TRPC7: variants seen among roughly 807,000 people sequenced by gnomAD.
The protein encoded by TRPC7 is transient receptor potential cation channel subfamily C member 7.
Under a neutral mutation model 90.1 loss-of-function variants are expected in TRPC7, and 42 were observed. The observed-to-expected ratio is 0.47, with a 90% CI of 0.36 to 0.60. The LOEUF is 0.60. TRPC7 is among the 20% of genes least tolerant of loss of function. The probability of loss-of-function intolerance (pLI) is 0.00; values close to 1 mark genes in which losing one functional copy is unlikely to be tolerated. For synonymous variants in TRPC7, 451 were observed against 436.3 expected (o/e 1.03, Z -0.42); for missense variants, 955 against 1,112.3 (o/e 0.86, Z 2.01).
intron 5 of TRPC7, among the ~76,000 whole-genome samples, chr5:136,264,232 A>C (rs1756953127): frequency 6.6e-6 from 1 of 152,158 alleles, no homozygotes; most frequent in African/African-American, 2.4e-5. Context: ...ACTCAGGAGG[A>C]AGTCCTCATT....
chr5:136,215,979 G>C (rs1490713213), intron 11 of TRPC7, among the ~76,000 whole-genome samples: 1 of 152,182 alleles, frequency 6.6e-6, no homozygotes, highest in Non-Finnish European at 1.5e-5. Flanking sequence ...AAGTGCTGGA[G>C]CTCAGGGCAG....
At chr5:136,299,206 C>G (rs956095631) in intron 3 of TRPC7, among the ~76,000 whole-genome samples, 3 of 151,336 alleles carry the variant, frequency 2.0e-5, no homozygotes, top group African/African-American at 7.3e-5. Flanking sequence ...GAGGCTGAGG[C>G]AGGAGAATAA....
At chr5:136,326,351 G>A (rs916272459) in intron 2 of TRPC7, among the ~76,000 whole-genome samples, 1 of 152,172 alleles carries the variant, frequency 6.6e-6, no homozygotes, top group Non-Finnish European at 1.5e-5. Flanking sequence ...ATCACATATG[G>A]TTTAGCTACA....
intron 2 of TRPC7, among the ~76,000 whole-genome samples, chr5:136,335,419 A>G (rs1221074511): frequency 6.6e-6 from 1 of 152,000 alleles, no homozygotes; most frequent in Non-Finnish European, 1.5e-5. Flanking sequence ...GTCTCTGCCA[A>G]TTAGTTACCA....
At chr5:136,231,278 T>C (rs1433226284) in intron 8 of TRPC7, 76 bp downstream of exon 8, 1 of 1,296,072 alleles carries the variant, frequency 7.7e-7, no homozygotes, top group Non-Finnish European at 1.1e-6. Context: ...GCTTCTAACA[T>C]CATTCCCCTC....
chr5:136,241,253 G>T (rs965528119), intron 7 of TRPC7, among the ~76,000 whole-genome samples: 5 of 152,212 alleles, frequency 3.3e-5, no homozygotes, highest in Non-Finnish European at 5.9e-5. Context: ...CTTAATAGAG[G>T]TATTATTTTG....
intron 3 of TRPC7, among the ~76,000 whole-genome samples, chr5:136,306,140 A>G (rs897857062): frequency 2.6e-5 from 4 of 152,186 alleles, no homozygotes; most frequent in Non-Finnish European, 4.4e-5. Context: ...AAGCCATCAC[A>G]GCTGATATCT....
intron 4 of TRPC7, among the ~76,000 whole-genome samples, chr5:136,267,320 C>T (rs897798763): frequency 6.6e-6 from 1 of 152,176 alleles, no homozygotes; most frequent in African/African-American, 2.4e-5. Flanking sequence ...TCAGTTGGGA[C>T]TCTTCCAGCT....
At chr5:136,328,133 T>C (rs925535845) in intron 2 of TRPC7, among the ~76,000 whole-genome samples, 1 of 152,216 alleles carries the variant, frequency 6.6e-6, no homozygotes, top group African/African-American at 2.4e-5. Context: ...CATTTAGGAA[T>C]GCAGATCCAA....
At chr5:136,306,101 T>C (rs1050996178) in intron 3 of TRPC7, among the ~76,000 whole-genome samples, 3 of 152,168 alleles carry the variant, frequency 2.0e-5, no homozygotes, top group African/African-American at 7.2e-5. Flanking sequence ...CCTGCTCTTG[T>C]TTACACTGCC....
At chr5:136,287,093 C>A (rs369757729) in intron 3 of TRPC7, among the ~76,000 whole-genome samples, 1 of 152,170 alleles carries the variant, frequency 6.6e-6, no homozygotes, top group African/African-American at 2.4e-5. Context: ...AAGCCATGAA[C>A]GCTCGCCTCG....
intron 2 of TRPC7, among the ~76,000 whole-genome samples, chr5:136,346,115 G>A (rs1426126751): frequency 6.6e-6 from 1 of 152,072 alleles, no homozygotes; most frequent in Admixed American, 6.6e-5. Flanking sequence ...AGCATTAGGA[G>A]ATATACCTAA....
At chr5:136,256,634 A>G (rs981167447) in intron 5 of TRPC7, among the ~76,000 whole-genome samples, 49 of 152,048 alleles carry the variant, frequency 3.2e-4, no homozygotes, top group Non-Finnish European at 5.7e-4. Context: ...TGTCAGATCC[A>G]TCTTGCTCTT....
chr5:136,325,116 AC>A, intron 2 of TRPC7, among the ~76,000 whole-genome samples: 1 of 152,340 alleles, frequency 6.6e-6, no homozygotes, highest in African/African-American at 2.4e-5. Flanking sequence ...AGTGTTTAAA[AC>A]ATTTTAATTG....
At chr5:136,246,942 A>G (rs1420509538) in intron 7 of TRPC7, among the ~76,000 whole-genome samples, 1 of 152,232 alleles carries the variant, frequency 6.6e-6, no homozygotes, top group East Asian at 1.9e-4. Context: ...CTTGGCCCCA[A>G]GAATACTCGC....
In TRPC7 at chr5:136,356,895, T is replaced by C; in HGVS notation, c.493A>G (p.Ile165Val). The C allele has an allele frequency of 6.2e-7, 1 of 1,613,912 alleles. No individual in the cohort carries two copies. Among genetic ancestry groups the C allele is most frequent in the Non-Finnish European group, 8.5e-7 (1 of 1,179,946 alleles). Residue 165 changes from isoleucine (I) to valine (V), a missense_variant, in exon 2 of 12, where the codon ATC becomes GTC. Around this residue, in one of 4 missense-constraint regions of TRPC7, gnomAD observed 484 missense variants for 509.6 expected, o/e 0.95. Coordinates refer to ENST00000513104, the MANE Select transcript of TRPC7 (RefSeq NM_020389.3). ...TGCGCCGCCAGGATGATGGGCGTGA[T>C]GTCGTGGGAGAAGCGCGTGCCGTCC... ...DEDGTRFSHD[I>V]TPIILAAHCQ...
intron 7 of TRPC7, among the ~76,000 whole-genome samples, chr5:136,246,028 C>A (rs1174132361): frequency 6.6e-6 from 1 of 152,172 alleles, no homozygotes; most frequent in Non-Finnish European, 1.5e-5. Flanking sequence ...CCGTGCCCAT[C>A]CCCAGGGGAG....
rs1158328680 is a variant in TRPC7, at chr5:136,291,289, C to T, written c.964-16452G>A. 2.6e-5 allele frequency among the ~76,000 whole-genome samples: 4 copies of T among 152,176 alleles called. No homozygotes were observed. The East Asian group carries it at 5.8e-4, about 22-fold the overall frequency. On this transcript the variant is annotated intron_variant, in intron 3 of 11. Coordinates refer to ENST00000513104, the MANE Select transcript of TRPC7 (RefSeq NM_020389.3). ...ATGAAAGGATCAAATTCACACATAA[C>T]AATACTAACCTTAAATGTAAATGGG...
intron 7 of TRPC7, among the ~76,000 whole-genome samples, chr5:136,237,466 A>G (rs1215602092): frequency 6.6e-6 from 1 of 152,238 alleles, no homozygotes; most frequent in Admixed American, 6.5e-5. Context: ...AGTCAGCTGA[A>G]TAAACGAATG....
Sources: gnomAD v4.1 joint callset for allele counts (sites outside exome capture counted in the v4.1 genomes callset) on GRCh38, gnomAD v4.1.1 for gene constraint, gnomAD v4.1.1 regional missense constraint, MANE v1.5 for transcripts, NCBI Gene and HGNC (gene_info 2026-07-23, HGNC 2026-07-21) for gene names.